Variants in PTP4A2 observed in about 807,000 individuals in gnomAD.
PTP4A2 encodes the protein protein tyrosine phosphatase 4A2.
A neutral mutation model predicts 22.9 loss-of-function variants in PTP4A2; 2 were observed. The ratio of observed to expected loss-of-function variants is 0.09; its 90% CI spans 0.04 to 0.27. The LOEUF is 0.27. PTP4A2 is among the 10% of genes least tolerant of loss of function. The probability of loss-of-function intolerance (pLI) is 1.00; values close to 1 mark genes in which losing one functional copy is unlikely to be tolerated. For missense variants in PTP4A2, 103 were observed against 205.1 expected, an observed-to-expected ratio of 0.50 and a Z score of 3.04; for synonymous variants, 68 against 69.1, an observed-to-expected ratio of 0.98 and a Z score of 0.08.
At chr1:31,927,420 T>A (rs933746552) in intron 1 of PTP4A2, among the ~76,000 whole-genome samples, 1 of 152,056 alleles carries the variant, frequency 6.6e-6, no homozygotes, top group African/African-American at 2.4e-5. Context: ...TGCTAACTGG[T>A]GACGAGGTGA....
Position 31,936,946 on chromosome 1 carries a change from T to C in PTP4A2, c.-594+1041A>G, listed in dbSNP as rs181562655. ...ATTTGCTGAATGCCTACAGTGACAC[T>C]AGAATTGCTAGTCACTGCTAATTTC... On this transcript the variant is annotated intron_variant, in intron 1 of 5. Coordinates refer to ENST00000647444, the MANE Select transcript of PTP4A2 (RefSeq NM_080391.4). Among the ~76,000 whole-genome samples, 26 of 152,306 alleles carry C rather than the reference T, an allele frequency of 1.7e-4. No individual in the cohort carries two copies. The East Asian group carries it at 4.2e-3, about 25-fold the overall frequency.
chr1:31,916,071 C>T (rs13374638), intron 2 of PTP4A2, 84 bp from the exon 3 acceptor site: 21 of 917,280 alleles, frequency 2.3e-5, no homozygotes, highest in Admixed American at 1.1e-4. Context: ...ATAGGCCGGG[C>T]GGGGTGGTTC....
intron 1 of PTP4A2, among the ~76,000 whole-genome samples, chr1:31,923,372 T>A (rs1213657743): frequency 1.4e-5 from 2 of 143,202 alleles, no homozygotes; most frequent in Non-Finnish European, 3.0e-5. Context: ...TCTTGCTCTG[T>A]CGCCCAGGCT....
intron 4 of PTP4A2, among the ~76,000 whole-genome samples, chr1:31,911,446 G>A (rs1008771776): frequency 1.3e-5 from 2 of 152,104 alleles, no homozygotes; most frequent in Non-Finnish European, 2.9e-5. Flanking sequence ...CTGAACTTTT[G>A]ATTACTTGAA....
Position 31,928,998 on chromosome 1 carries a change from T to C in PTP4A2, c.-594+8989A>G, listed in dbSNP as rs574591376. On this transcript the variant is annotated intron_variant, in intron 1 of 5. Transcript: ENST00000647444. Reference sequence around the variant, plus strand: ...CCTGTGGGCCCTGTTCCCACCAAAATGAAAAGGGAGTGGTTTTAGATGTGC... The same window carrying C: ...CCTGTGGGCCCTGTTCCCACCAAAACGAAAAGGGAGTGGTTTTAGATGTGC... Among the ~76,000 whole-genome samples, 196 of 152,276 alleles carry C rather than the reference T, an allele frequency of 1.3e-3. 1 individual carries two copies. The highest frequency in any genetic ancestry group is 4.4e-3 in the African/African-American group (182 of 41,558).
At chr1:31,930,251 T>A (rs962504040) in intron 1 of PTP4A2, among the ~76,000 whole-genome samples, 1 of 151,872 alleles carries the variant, frequency 6.6e-6, no homozygotes, top group African/African-American at 2.4e-5. Context: ...GGCAGGAGAA[T>A]GGCGTGAACC....
chr1:31,928,436 ACGCCTGTAATCCC>A (rs1482514553), intron 1 of PTP4A2, among the ~76,000 whole-genome samples: 2 of 151,642 alleles, frequency 1.3e-5, no homozygotes, highest in Non-Finnish European at 2.9e-5. Context: ...GCGATGGCTT[ACGCCTGTAATCCC>A]AGCACTTTGG....
chr1:31,924,032 T>C (rs894057199), intron 1 of PTP4A2: 4 of 152,186 alleles, frequency 2.6e-5, no homozygotes, highest in Non-Finnish European at 5.9e-5. Flanking sequence ...TTGAATCCCT[T>C]TGGTTCAATG....
chr1:31,909,914 A>C (rs1217425959), intron 5 of PTP4A2, 124 bp downstream of exon 5: 1 of 765,662 alleles, frequency 1.3e-6, no homozygotes, highest in Non-Finnish European at 2.1e-6. Flanking sequence ...TTACATCTTC[A>C]AATAATACTT....
Position 31,911,747 on chromosome 1 carries a change from C to A in PTP4A2, c.269G>T (p.Arg90Leu), listed in dbSNP as rs376420131. ...TGCAACACAGCAACCTGGCTCTTCA[C>A]GAAATTTGGTTTTTAACAGGTTTAA... ...DWLNLLKTKFREEPGCCVAVH... is the reference protein window; with the variant it reads ...DWLNLLKTKFLEEPGCCVAVH... Residue 90 changes from arginine to leucine, a missense_variant, in exon 4 of 6, where the codon CGT becomes CTT. Transcript: ENST00000647444. 5.0e-6 allele frequency: 8 copies of A among 1,606,604 alleles called. No homozygotes were observed. In the African/African-American group the frequency reaches 1.1e-4, roughly 22 times the overall value.
intron 1 of PTP4A2, among the ~76,000 whole-genome samples, chr1:31,927,758 C>A (rs530062376): frequency 6.6e-6 from 1 of 152,266 alleles, no homozygotes; most frequent in South Asian, 2.1e-4. Context: ...AGTCAAGGCT[C>A]TGAGTAACTA....
rs1204595576 is a variant in PTP4A2, at chr1:31,908,140, TTATATATA to T, written c.*704_*711del. On this transcript the variant is annotated 3_prime_UTR_variant, in exon 6 of 6. Coordinates refer to ENST00000647444, the MANE Select transcript of PTP4A2 (RefSeq NM_080391.4). ...TATATATATATATATATATATTATA[TTATATATA>T]TATATATATATATATATATATATAT... 2.4e-3 allele frequency: 1 copy of T among 424 alleles called. No homozygotes were observed. 0.0% of individuals were successfully genotyped at this position (424 alleles called of 1,614,324 possible). A position where few individuals can be genotyped will look rare whatever the true frequency, so the allele number is the denominator to read the frequency against.
chr1:31,936,345 G>A (rs914892300), intron 1 of PTP4A2, among the ~76,000 whole-genome samples: 7 of 151,756 alleles, frequency 4.6e-5, no homozygotes, highest in African/African-American at 7.3e-5. Flanking sequence ...AGGCTGAGGC[G>A]GGAAGATCAT....
At chr1:31,912,068 G>C (rs1023366834) in intron 3 of PTP4A2, among the ~76,000 whole-genome samples, 2 of 152,134 alleles carry the variant, frequency 1.3e-5, no homozygotes, top group Non-Finnish European at 2.9e-5. Context: ...AAAACTTACA[G>C]AAATCTCTAT....
At chr1:31,931,975 A>C (rs1254176828) in intron 1 of PTP4A2, among the ~76,000 whole-genome samples, 1 of 152,210 alleles carries the variant, frequency 6.6e-6, no homozygotes, top group East Asian at 1.9e-4. Context: ...ATATAAATCC[A>C]ATTTACAAAT....
chr1:31,923,329 CTTTTT>C (rs894382854), intron 1 of PTP4A2, among the ~76,000 whole-genome samples: 133 of 113,952 alleles, frequency 1.2e-3, no homozygotes, highest in Non-Finnish European at 1.8e-3. Context: ...GCCTCAACCT[CTTTTT>C]TTTTTTTTTT....
Position 31,906,645 on chromosome 1 carries a change from T to C in PTP4A2, c.*2207A>G, listed in dbSNP as rs948803408. 4 of 152,096 alleles carry C rather than the reference T, an allele frequency of 2.6e-5. No individual in the cohort carries two copies. Among genetic ancestry groups the C allele is most frequent in the Non-Finnish European group, 5.9e-5 (4 of 68,018 alleles). 9.4% of individuals were successfully genotyped at this position (152,096 alleles called of 1,614,324 possible). A position where few individuals can be genotyped will look rare whatever the true frequency, so the allele number is the denominator to read the frequency against. On this transcript the variant is annotated 3_prime_UTR_variant, in exon 6 of 6. Coordinates refer to ENST00000647444, the MANE Select transcript of PTP4A2 (RefSeq NM_080391.4). Reference sequence around the variant, plus strand: ...AAATAAAAGGAGGGCTAATGTTTCATGTTGCTTTATACATCCTTCTCCTCA... The same window carrying C: ...AAATAAAAGGAGGGCTAATGTTTCACGTTGCTTTATACATCCTTCTCCTCA...
At chr1:31,931,603 C>G (rs1343968855) in intron 1 of PTP4A2, among the ~76,000 whole-genome samples, 3 of 152,192 alleles carry the variant, frequency 2.0e-5, no homozygotes, top group Admixed American at 6.5e-5. Flanking sequence ...ACGAGTTTAA[C>G]TAAATTCTAC....
intron 1 of PTP4A2, chr1:31,935,677 T>A (rs1285769553): frequency 6.6e-6 from 1 of 152,148 alleles, no homozygotes; most frequent in East Asian, 1.9e-4. Context: ...ATAGAAGTGA[T>A]TCAAAATAAG....
Sources: gnomAD v4.1 joint callset for allele counts (sites outside exome capture counted in the v4.1 genomes callset) on GRCh38, gnomAD v4.1.1 for gene constraint, MANE v1.5 for transcripts, NCBI Gene and HGNC (gene_info 2026-07-23, HGNC 2026-07-21) for gene names.